The following RNF2 variants were observed in gnomAD, a reference collection of about 807,000 sequenced individuals.
The protein encoded by RNF2 is E3 ubiquitin-protein ligase RING2.
Under a neutral mutation model 37.2 loss-of-function variants are expected in RNF2, and 6 were observed. That is an observed-to-expected ratio of 0.16 (90% CI 0.09 to 0.32). RNF2 has a LOEUF of 0.32. Among genes scored for constraint, RNF2 ranks in the 10% least tolerant of loss-of-function variants. The pLI is 1.00. For missense variants in RNF2, 251 were observed against 404.0 expected (o/e 0.62, Z 3.25); for synonymous variants, 133 against 132.7 (o/e 1.00, Z -0.02).
At chr1:185,058,538 T>C (rs981102371) in intron 1 of RNF2, among the ~76,000 whole-genome samples, 17 of 152,220 alleles carry the variant, frequency 1.1e-4, no homozygotes, top group Admixed American at 9.8e-4. Context: ...TAAAAAGTAT[T>C]TGAAACAGTA....
intron 1 of RNF2, among the ~76,000 whole-genome samples, chr1:185,069,961 G>C (rs1650918683): frequency 6.6e-6 from 1 of 152,066 alleles, no homozygotes; most frequent in Non-Finnish European, 1.5e-5. Context: ...CTGCTTATGA[G>C]GCACATTAAC....
chr1:185,094,486 C>T (rs1008525966), intron 4 of RNF2, among the ~76,000 whole-genome samples: 4 of 151,964 alleles, frequency 2.6e-5, no homozygotes, highest in Admixed American at 2.0e-4. Context: ...TATTCCAGTC[C>T]GTAAATAAAC....
At chr1:185,071,392 A>G (rs1170768857) in intron 1 of RNF2, among the ~76,000 whole-genome samples, 1 of 152,128 alleles carries the variant, frequency 6.6e-6, no homozygotes, top group Admixed American at 6.5e-5. Context: ...GTGACCCTCT[A>G]TTGTTGTGGG....
At chr1:185,060,189 GTTTGTC>G (rs1650556627) in intron 1 of RNF2, among the ~76,000 whole-genome samples, 2 of 152,152 alleles carry the variant, frequency 1.3e-5, no homozygotes, top group Non-Finnish European at 2.9e-5. Flanking sequence ...TCTCTTTTTG[GTTTGTC>G]TTTAATTCAG....
At chr1:185,066,921 T>C (rs1259402747) in intron 1 of RNF2, among the ~76,000 whole-genome samples, 1 of 152,196 alleles carries the variant, frequency 6.6e-6, no homozygotes, top group Non-Finnish European at 1.5e-5. Flanking sequence ...CACTAAATTA[T>C]CTAGATCTGC....
At chr1:185,085,708 C>A (rs1207872299) in intron 1 of RNF2, among the ~76,000 whole-genome samples, 1 of 151,806 alleles carries the variant, frequency 6.6e-6, no homozygotes, top group Admixed American at 6.6e-5. Flanking sequence ...GGCTGGAGTG[C>A]AATGGCGCGA....
At chr1:185,093,421 C>CA in intron 4 of RNF2, 145 bp downstream of exon 4, 1 of 659,540 alleles carries the variant, frequency 1.5e-6, no homozygotes. Flanking sequence ...TACATGCCTC[C>CA]AGGCATAATA....
Position 185,100,531 on chromosome 1 carries a change from G to A in RNF2, c.*230G>A. On this transcript the variant is annotated 3_prime_UTR_variant, in exon 7 of 7. Transcript: ENST00000367510. ...TTCTTTCCTTTAAAAAAATATATCT[G>A]AAGTTTCTTGTGTTTTTTTTTTTCC... 1 of 315,816 alleles carries A rather than the reference G, an allele frequency of 3.2e-6. No individual in the cohort carries two copies. Among genetic ancestry groups the A allele is most frequent in the Non-Finnish European group, 5.6e-6 (1 of 178,708 alleles). The allele number at this position is 315,816 out of a possible 1,614,324, so 19.6% of individuals were successfully genotyped here.
chr1:185,061,450 A>T (rs1364838144), intron 1 of RNF2, among the ~76,000 whole-genome samples: 1 of 152,090 alleles, frequency 6.6e-6, no homozygotes, highest in Non-Finnish European at 1.5e-5. Context: ...AACACACAAG[A>T]TCACAAAACC....
chr1:185,086,239 A>G (rs190177518), intron 1 of RNF2, among the ~76,000 whole-genome samples: 2 of 152,056 alleles, frequency 1.3e-5, no homozygotes, highest in African/African-American at 2.4e-5. Flanking sequence ...TTGTTTATCT[A>G]TTTGCATGCA....
chr1:185,045,999 C>T (rs1237964104), intron 1 of RNF2: 3 of 151,844 alleles, frequency 2.0e-5, no homozygotes, highest in African/African-American at 7.3e-5. Context: ...GTCCCCTCGC[C>T]TCCGGGGGCG....
intron 5 of RNF2, among the ~76,000 whole-genome samples, chr1:185,098,659 C>T (rs1049318512): frequency 3.3e-5 from 5 of 152,196 alleles, no homozygotes; most frequent in Non-Finnish European, 7.3e-5. Context: ...ACCACTGTAT[C>T]TCCAGCACAC....
chr1:185,099,466 G>A (rs1652013696), intron 5 of RNF2, among the ~76,000 whole-genome samples: 1 of 152,128 alleles, frequency 6.6e-6, no homozygotes, highest in South Asian at 2.1e-4. Context: ...ATTAGGGTTT[G>A]GGGGGTATGT....
intron 1 of RNF2, among the ~76,000 whole-genome samples, chr1:185,085,145 C>CTTTTTTTTTTTTTTTT (rs71555455): frequency 2.5e-4 from 26 of 103,212 alleles, no homozygotes; most frequent in African/African-American, 3.2e-4. Flanking sequence ...CTTTCTTTTT[C>CTTTTTTTTTTTTTTTT]TTTTTTTTTT....
intron 1 of RNF2, among the ~76,000 whole-genome samples, chr1:185,067,896 A>G (rs1213238703): frequency 6.6e-6 from 1 of 151,666 alleles, no homozygotes; most frequent in Admixed American, 6.6e-5. Context: ...TTTTTAATAC[A>G]GATGGGGTTT....
intron 1 of RNF2, among the ~76,000 whole-genome samples, chr1:185,077,835 C>T (rs1389833674): frequency 1.4e-5 from 2 of 148,060 alleles, no homozygotes; most frequent in Non-Finnish European, 3.0e-5. Flanking sequence ...TTTTTTCAGT[C>T]ATTATTGTTT....
chr1:185,097,072 T>A (rs1465839593), intron 4 of RNF2, among the ~76,000 whole-genome samples: 2 of 152,218 alleles, frequency 1.3e-5, no homozygotes, highest in African/African-American at 4.8e-5. Flanking sequence ...CTGGCACTTA[T>A]TAGCTGTATA....
chr1:185,069,226 G>T (rs1650892419), intron 1 of RNF2, among the ~76,000 whole-genome samples: 1 of 152,262 alleles, frequency 6.6e-6, no homozygotes, highest in African/African-American at 2.4e-5. Flanking sequence ...GCCAAGGTTG[G>T]CGGATTGCTT....
chr1:185,087,748 C>T, intron 2 of RNF2, 108 bp downstream of exon 2: 1 of 801,314 alleles, frequency 1.2e-6, no homozygotes. Context: ...AATTTATATT[C>T]AAGCATTCCT....
Sources: allele counts gnomAD v4.1 joint callset (sites outside exome capture counted in the v4.1 genomes callset), GRCh38; gene constraint gnomAD v4.1.1; transcripts MANE v1.5; gene names NCBI Gene and HGNC (gene_info 2026-07-23, HGNC 2026-07-21).